MYCBP2: variants seen among roughly 807,000 people sequenced by gnomAD.
MYCBP2 encodes the protein E3 ubiquitin-protein ligase MYCBP2.
A neutral mutation model predicts 525.3 loss-of-function variants in MYCBP2; 120 were observed. That is an observed-to-expected ratio of 0.23 (90% confidence interval 0.20 to 0.27). The LOEUF (loss-of-function observed/expected upper bound fraction) is 0.27, where lower values mean the gene tolerates loss of function less well. Ranked by LOEUF, MYCBP2 falls within the 10% of genes least tolerant of loss-of-function variation. The probability of loss-of-function intolerance (pLI) is 1.00; values close to 1 mark genes in which losing one functional copy is unlikely to be tolerated. For missense variants in MYCBP2, 4,149 were observed against 5,657.1 expected, an observed-to-expected ratio of 0.73 and a Z score of 8.55; for synonymous variants, 1,894 against 1,955.8, an observed-to-expected ratio of 0.97 and a Z score of 0.83.
rs2043312569 is a variant in MYCBP2, at chr13:77,081,584, G to A, written c.11261C>T (p.Pro3754Leu). 6.2e-7 allele frequency: 1 copy of A among 1,613,672 alleles called. No homozygotes were observed. The highest frequency in any genetic ancestry group is 1.3e-5 in the African/African-American group (1 of 74,896). Residue 3754 changes from proline to leucine, a missense_variant, in exon 65 of 83, where the codon CCT (proline) becomes CTT (leucine). Pro to Leu is a moderately conservative substitution (Grantham distance 98). Coordinates refer to ENST00000544440, the MANE Select transcript of MYCBP2 (RefSeq NM_015057.5). The surrounding 1 kb of genome is among the most constrained non-coding windows in gnomAD (Gnocchi z 4.6). ...SIVDIKTSSR[P>L]AMIGSLTDGS... ...GTCTGTCAAACTGCCAATCATGGCA[G>A]GTCGGCTTGAAGTTTTTATGTCAAC...
rs151040580 is a variant in MYCBP2 at position 77,268,694 on chromosome 13, G to T, written c.1261-757C>A. Reference sequence around the variant, plus strand: ...CTCGGGAGGCTGAGGCAAGAGAATCGCCTGAACCTGGGAGGCGGAGGTTGC... The same window carrying T: ...CTCGGGAGGCTGAGGCAAGAGAATCTCCTGAACCTGGGAGGCGGAGGTTGC... On this transcript the variant is annotated intron_variant, in intron 7 of 82. Coordinates refer to ENST00000544440, the MANE Select transcript of MYCBP2 (RefSeq NM_015057.5). Among the ~76,000 whole-genome samples, 3 of 151,812 alleles carry T rather than the reference G, an allele frequency of 2.0e-5. No homozygotes were observed. In the East Asian group the frequency reaches 5.8e-4, roughly 29 times the overall value.
chr13:77,206,874 A>T (rs9635013), intron 23 of MYCBP2, 49 bp from the exon 24 acceptor site: 37,727 of 1,431,340 alleles, frequency 0.026, 1,118 homozygotes, highest in East Asian at 0.15. Context: ...TTTTGTTTTT[A>T]AAAAAAATTC....
intron 1 of MYCBP2, among the ~76,000 whole-genome samples, chr13:77,297,831 A>C (rs9544451): frequency 0.57 from 87,285 of 152,030 alleles, 28,493 homozygotes; most frequent in Non-Finnish European, 0.74. Flanking sequence ...ATAAACAGTT[A>C]TTGAATCTGT....
At chr13:77,214,206 A>G (rs183803229) in intron 21 of MYCBP2, among the ~76,000 whole-genome samples, 1 of 152,360 alleles carries the variant, frequency 6.6e-6, no homozygotes, top group East Asian at 1.9e-4. Flanking sequence ...CTGTGGAAAC[A>G]GGCAATCTCA....
rs536899192 is a variant in MYCBP2, at chr13:77,056,099, G to GGGGTGTGT, written c.13438-333_13438-332insACACACCC. Among the ~76,000 whole-genome samples the GGGGTGTGT allele has an allele frequency of 1.3e-3, 159 of 120,594 alleles. 4 individuals are homozygous for GGGGTGTGT. The highest frequency in any genetic ancestry group is 4.7e-3 in the African/African-American group (142 of 30,450). 79.1% of individuals were successfully genotyped at this position (120,594 alleles called of 152,430 possible). ...CACAAATAAGACACGCTCTGTGTTTGGTGTGTGTGTGTGTGTGTGTGTGTG... is the reference window on the plus strand; with the variant it reads ...CACAAATAAGACACGCTCTGTGTTTGGGGTGTGTGTGTGTGTGTGTGTGTGTGTGTGTG... On this transcript the variant is annotated intron_variant, in intron 79 of 82. Transcript: ENST00000544440.
intron 14 of MYCBP2, among the ~76,000 whole-genome samples, chr13:77,256,375 T>C (rs1294116854): frequency 6.6e-6 from 1 of 152,080 alleles, no homozygotes; most frequent in Non-Finnish European, 1.5e-5. Flanking sequence ...GAAGCACTAT[T>C]TTATGTAGAA....
chr13:77,210,438 C>T (rs1049637200), intron 23 of MYCBP2, among the ~76,000 whole-genome samples: 6 of 152,070 alleles, frequency 3.9e-5, no homozygotes, highest in Non-Finnish European at 5.9e-5. Flanking sequence ...GTGATCTGCC[C>T]GCCTTGGCCT....
At chr13:77,157,881 G>T (rs893665742) in intron 45 of MYCBP2, 56 bp downstream of exon 45, 5 of 1,417,186 alleles carry the variant, frequency 3.5e-6, no homozygotes, top group Non-Finnish European at 4.8e-6. Context: ...CCCTCTTTCA[G>T]AAATGAAGAA....
In MYCBP2 at chr13:77,117,870, T is replaced by C. The variant is rs181545918; in HGVS notation, c.8140+3503A>G. 1.7e-3 allele frequency among the ~76,000 whole-genome samples: 258 copies of C among 152,118 alleles called. 2 individuals carry two copies. Among genetic ancestry groups the C allele is most frequent in the African/African-American group, 6.0e-3 (248 of 41,498 alleles). On this transcript the variant is annotated intron_variant, in intron 55 of 82. Coordinates refer to ENST00000544440, the MANE Select transcript of MYCBP2 (RefSeq NM_015057.5). Reference sequence around the variant, plus strand: ...AAAAGACAGAACTGGAATCAAATGATCAATTTAACATATTAGGAACAACAA... The same window carrying C: ...AAAAGACAGAACTGGAATCAAATGACCAATTTAACATATTAGGAACAACAA...
At chr13:77,198,954 T>C (rs2062080353) in intron 26 of MYCBP2, among the ~76,000 whole-genome samples, 1 of 152,222 alleles carries the variant, frequency 6.6e-6, no homozygotes, top group Non-Finnish European at 1.5e-5. Flanking sequence ...TTGAAAATAA[T>C]TTTCCTTTCA....
chr13:77,174,247 GGTA>G, intron 37 of MYCBP2, 61 bp downstream of exon 37: 2 of 1,482,072 alleles, frequency 1.3e-6, no homozygotes. Context: ...AATTTTACCT[GGTA>G]GTAGACTGTG....
chr13:77,117,136 AAACT>A (rs1248910826), intron 55 of MYCBP2, among the ~76,000 whole-genome samples: 1 of 152,082 alleles, frequency 6.6e-6, no homozygotes, highest in Non-Finnish European at 1.5e-5. Flanking sequence ...CAAAATTAAT[AAACT>A]AACTCCTCAC....
In MYCBP2 at chr13:77,181,710, T is replaced by G; in HGVS notation, c.4932A>C (p.Lys1644Asn). ...RFPLLVAHME[K>N]LSQSEENISG... ...TCAGAGACAGACCTACCTGGCTGAGTTTTTCCATATGTGCCACCAAAAGGG... is the reference window on the plus strand; with the variant it reads ...TCAGAGACAGACCTACCTGGCTGAGGTTTTCCATATGTGCCACCAAAAGGG... The change falls in exon 33 of 83, where the codon AAA becomes AAC. Residue 1644 changes from lysine (K) to asparagine (N), a missense_variant. Physicochemically the swap from Lys to Asn is moderately conservative, Grantham distance 94. Around this residue, in one of 21 missense-constraint regions of MYCBP2, gnomAD observed 292 missense variants for 330.5 expected, o/e 0.88. Transcript: ENST00000544440. 2 of 1,613,352 alleles carry G rather than the reference T, an allele frequency of 1.2e-6. No homozygotes were observed. The highest frequency in any genetic ancestry group is 1.7e-6 in the Non-Finnish European group (2 of 1,179,786).
At chr13:77,101,862 A>G (rs1346617667) in intron 55 of MYCBP2, among the ~76,000 whole-genome samples, 1 of 152,046 alleles carries the variant, frequency 6.6e-6, no homozygotes, top group Non-Finnish European at 1.5e-5. Context: ...ATTAAATATT[A>G]CTAAAAATTG....
intron 21 of MYCBP2, among the ~76,000 whole-genome samples, chr13:77,212,908 G>A (rs531275516): frequency 8.7e-4 from 132 of 152,164 alleles, no homozygotes; most frequent in African/African-American, 2.8e-3. Flanking sequence ...CCCCTGGCTC[G>A]GGACCTCTCT....
chr13:77,293,206 T>C (rs1259230380), intron 2 of MYCBP2, among the ~76,000 whole-genome samples: 2 of 152,258 alleles, frequency 1.3e-5, no homozygotes, highest in Non-Finnish European at 2.9e-5. Flanking sequence ...GAAAGTGAAG[T>C]CATGTGCTGG....
At position 77,144,271 on chromosome 13, in the gene MYCBP2, A is replaced by G. The variant is rs2055163648; in HGVS notation, c.7303+174T>C. 6.8e-6 allele frequency: 4 copies of G among 590,492 alleles called. No homozygotes were observed. The East Asian group carries it at 8.5e-5, about 12-fold the overall frequency. The allele number at this position is 590,492 out of a possible 1,614,324, so 36.6% of individuals were successfully genotyped here. A position where few individuals can be genotyped will look rare whatever the true frequency, so the allele number is the denominator to read the frequency against. ...TGGGCGGACACCAGAAATTATTACAAAATGTTAATGCACTAATTAAATACT... is the reference window on the plus strand; with the variant it reads ...TGGGCGGACACCAGAAATTATTACAGAATGTTAATGCACTAATTAAATACT... On this transcript the variant is annotated intron_variant, in intron 49 of 82. Coordinates refer to ENST00000544440, the MANE Select transcript of MYCBP2 (RefSeq NM_015057.5).
At chr13:77,110,859 G>C (rs1244486330) in intron 55 of MYCBP2, among the ~76,000 whole-genome samples, 1 of 152,152 alleles carries the variant, frequency 6.6e-6, no homozygotes, top group African/African-American at 2.4e-5. Context: ...GGGCAAGTCA[G>C]CAAGAATTCT....
chr13:77,097,170 A>G (rs540805403), intron 56 of MYCBP2, among the ~76,000 whole-genome samples, 200 bp downstream of exon 56: 36 of 152,302 alleles, frequency 2.4e-4, no homozygotes, highest in African/African-American at 8.7e-4. Context: ...GTGAAATAGC[A>G]CTAAATGACC....
Sources: allele counts gnomAD v4.1 joint callset (sites outside exome capture counted in the v4.1 genomes callset), GRCh38; gene constraint gnomAD v4.1.1; regional missense constraint gnomAD v4.1.1; non-coding constraint Gnocchi (gnomAD v3.1); transcripts MANE v1.5; gene names NCBI Gene and HGNC (gene_info 2026-07-23, HGNC 2026-07-21).